The following PRKAR1A variants were observed in gnomAD, a reference collection of about 807,000 sequenced individuals.
PRKAR1A encodes cAMP-dependent protein kinase type I-alpha regulatory subunit.
Under a neutral mutation model 52.0 loss-of-function variants are expected in PRKAR1A, and 3 were observed. The observed-to-expected ratio is 0.06, with a 90% CI of 0.03 to 0.15. The LOEUF is 0.15. PRKAR1A is among the 10% of genes least tolerant of loss of function. The pLI, the probability that PRKAR1A is intolerant of heterozygous loss-of-function variation, is 1.00. For synonymous variants in PRKAR1A, 188 were observed against 168.4 expected, an observed-to-expected ratio of 1.12 and a Z score of -0.90; for missense variants, 240 against 477.4, an observed-to-expected ratio of 0.50 and a Z score of 4.63.
chr17:68,445,704 T>G, the PRKAR1A span, among the ~76,000 whole-genome samples: 1 of 152,184 alleles, frequency 6.6e-6, no homozygotes, highest in Non-Finnish European at 1.5e-5. Context: ...ATCGGGTGTT[T>G]AAAGGAATAT....
the PRKAR1A span, among the ~76,000 whole-genome samples, chr17:68,443,572 GT>G: frequency 0.27 from 40,702 of 152,042 alleles, 5,602 homozygotes; most frequent in Admixed American, 0.3. Flanking sequence ...ACATTACCTT[GT>G]TTAATTCTCA....
the PRKAR1A span, among the ~76,000 whole-genome samples, chr17:68,439,605 C>T: frequency 1.3e-4 from 20 of 152,180 alleles, no homozygotes; most frequent in Non-Finnish European, 2.4e-4. Context: ...GCATTTTAAA[C>T]GGGTGAATTG....
chr17:68,532,882 G>C lies in PRKAR1A; in HGVS notation c.*2433G>C. On this transcript the variant is annotated 3_prime_UTR_variant, in exon 11 of 11. Coordinates refer to ENST00000589228, the MANE Select transcript of PRKAR1A (RefSeq NM_002734.5). ...AGGGGGAAAGTGAATTATGGGATCG[G>C]TGTTTTGAAAGAGCAATGTTTATTT... is the stretch of plus-strand genomic sequence containing the variant. The C allele has an allele frequency of 1.9e-6, 2 of 1,066,286 alleles. No individual in the cohort carries two copies. The highest frequency in any genetic ancestry group is 1.6e-5 in the African/African-American group (1 of 61,228). The allele number at this position is 1,066,286 out of a possible 1,614,324, so 66.1% of individuals were successfully genotyped here.
intron 2 of PRKAR1A, among the ~76,000 whole-genome samples, chr17:68,517,499 AAGG>A (rs2085469599): frequency 6.6e-6 from 1 of 152,356 alleles, no homozygotes; most frequent in African/African-American, 2.4e-5. Context: ...TGGCAGCAGC[AAGG>A]AGAAGTACAG....
At chr17:68,503,631 A>G in the PRKAR1A span, among the ~76,000 whole-genome samples, 1 of 152,258 alleles carries the variant, frequency 6.6e-6, no homozygotes, top group African/African-American at 2.4e-5. Flanking sequence ...GCATTCTGCA[A>G]AAAGCAAACA....
At chr17:68,469,680 A>G in the PRKAR1A span, among the ~76,000 whole-genome samples, 4 of 151,806 alleles carry the variant, frequency 2.6e-5, no homozygotes, top group African/African-American at 9.7e-5. Flanking sequence ...AATTAACTGT[A>G]TTAGTGGCTC....
At chr17:68,431,108 A>T in the PRKAR1A span, among the ~76,000 whole-genome samples, 1 of 152,156 alleles carries the variant, frequency 6.6e-6, no homozygotes, top group Non-Finnish European at 1.5e-5. Flanking sequence ...GCTGGGGTTT[A>T]CAAAGAGGTG....
At chr17:68,521,319 T>G (rs970039416) in intron 2 of PRKAR1A, among the ~76,000 whole-genome samples, 6 of 152,184 alleles carry the variant, frequency 3.9e-5, no homozygotes, top group Non-Finnish European at 8.8e-5. Context: ...AGTCTCTACC[T>G]TCCAGGCTCA....
the PRKAR1A span, among the ~76,000 whole-genome samples, chr17:68,480,478 C>A: frequency 2.0e-5 from 3 of 152,150 alleles, no homozygotes; most frequent in Non-Finnish European, 4.4e-5. Context: ...GATCCAAACC[C>A]ACTGGAAATG....
upstream of PRKAR1A, among the ~76,000 whole-genome samples, chr17:68,510,592 A>G (rs1218948963): frequency 6.6e-6 from 1 of 152,200 alleles, no homozygotes; most frequent in East Asian, 1.9e-4. Flanking sequence ...GGCCTGCTCA[A>G]TGCTATCAAA....
At chr17:68,543,265 A>T (rs1388131945) in intron 11 of PRKAR1A, among the ~76,000 whole-genome samples, 3 of 152,102 alleles carry the variant, frequency 2.0e-5, no homozygotes, top group African/African-American at 7.2e-5. Flanking sequence ...GAGGGAGTGG[A>T]ATGTTTAGGA....
In PRKAR1A at chr17:68,542,003, G is replaced by A. The variant is rs1327242128; in HGVS notation, c.974-9081G>A. On this transcript the variant is annotated intron_variant, in intron 11 of 11. Coordinates refer to the PRKAR1A transcript ENST00000585981. ...AACTCACTCCTCTTTTCCTGCCAGTGTGTAGGAGCGGATCCAGGGGTTGGG... is the reference window on the plus strand; with the variant it reads ...AACTCACTCCTCTTTTCCTGCCAGTATGTAGGAGCGGATCCAGGGGTTGGG... 8 of 1,613,842 alleles carry A rather than the reference G, an allele frequency of 5.0e-6. No individual in the cohort carries two copies. The Admixed American group carries it at 1.3e-4, about 27-fold the overall frequency.
At chr17:68,505,143 C>T in the PRKAR1A span, among the ~76,000 whole-genome samples, 1 of 151,974 alleles carries the variant, frequency 6.6e-6, no homozygotes, top group Non-Finnish European at 1.5e-5. Context: ...CCCCAAAATA[C>T]AAAAACTAGC....
At chr17:68,541,028 TC>T (rs1391715393) in intron 11 of PRKAR1A, 2 of 1,525,252 alleles carry the variant, frequency 1.3e-6, no homozygotes, top group South Asian at 1.2e-5. Context: ...TCCCCACACC[TC>T]CCCCTGCCCC....
chr17:68,474,707 A>G, the PRKAR1A span, among the ~76,000 whole-genome samples: 4 of 152,184 alleles, frequency 2.6e-5, no homozygotes, highest in Admixed American at 6.5e-5. Flanking sequence ...CATCCTGGTA[A>G]ACACGGTGAA....
chr17:68,430,968 T>G, the PRKAR1A span, among the ~76,000 whole-genome samples: 1 of 152,088 alleles, frequency 6.6e-6, no homozygotes, highest in East Asian at 1.9e-4. Flanking sequence ...TAGGGGGTCT[T>G]TGGACAAACC....
downstream of PRKAR1A, chr17:68,537,503 A>G: frequency 1.2e-6 from 2 of 1,613,968 alleles, no homozygotes. This position sits in a 1 kb window ranked among gnomAD's most constrained non-coding sequence, Gnocchi z 4.2. Context: ...GCCTGGCCAG[A>G]GTCTGGGGCC....
At chr17:68,458,362 A>G in the PRKAR1A span, among the ~76,000 whole-genome samples, 1 of 152,250 alleles carries the variant, frequency 6.6e-6, no homozygotes, top group African/African-American at 2.4e-5. Context: ...AGACCTGTGC[A>G]CTAAATAACT....
chr17:68,438,864 T>C, the PRKAR1A span, among the ~76,000 whole-genome samples: 2 of 152,272 alleles, frequency 1.3e-5, no homozygotes, highest in African/African-American at 4.8e-5. Flanking sequence ...CCTCCCAAAG[T>C]GCTGGGATTA....
Sources: gnomAD v4.1 joint callset for allele counts (sites outside exome capture counted in the v4.1 genomes callset) on GRCh38, gnomAD v4.1.1 for gene constraint, Gnocchi (gnomAD v3.1) non-coding constraint, MANE v1.5 for transcripts, NCBI Gene and HGNC (gene_info 2026-07-23, HGNC 2026-07-21) for gene names.